Variants in PUM2 observed in about 807,000 individuals in gnomAD.
PUM2 encodes pumilio homolog 2.
PUM2 carries 57 observed loss-of-function variants against 124.5 expected under a neutral mutation model. The ratio of observed to expected loss-of-function variants is 0.46; its 90% CI spans 0.37 to 0.57. The LOEUF (loss-of-function observed/expected upper bound fraction) is 0.57. Ranked by LOEUF, PUM2 falls within the 20% of genes least tolerant of loss-of-function variation. The probability of loss-of-function intolerance (pLI) is 0.00; values close to 1 mark genes in which losing one functional copy is unlikely to be tolerated. For synonymous variants in PUM2, 460 were observed against 446.1 expected (o/e 1.03, Z -0.39); for missense variants, 1,065 against 1,290.6 (o/e 0.83, Z 2.68).
chr2:20,288,661 A>T (rs1673283521), intron 10 of PUM2, among the ~76,000 whole-genome samples: 1 of 152,244 alleles, frequency 6.6e-6, no homozygotes, highest in South Asian at 2.1e-4. Context: ...CTGATAAAGT[A>T]CTGAAGAAAG....
chr2:20,260,476 G>C lies in PUM2; in HGVS notation c.2226-10C>G. 1 of 1,596,788 alleles carries C rather than the reference G, an allele frequency of 6.3e-7. No individual in the cohort carries two copies. ...TTTTTGCTGTATGAATCTACATAGG[G>C]AACATTTTTAATATGACAATATGTT... On this transcript the variant is annotated splice_polypyrimidine_tract_variant and intron_variant, in intron 14 of 20. Transcript: ENST00000361078.
chr2:20,339,694 A>T (rs1686852802), intron 1 of PUM2, among the ~76,000 whole-genome samples: 1 of 152,214 alleles, frequency 6.6e-6, no homozygotes, highest in Non-Finnish European at 1.5e-5. Context: ...AGCCTAGCAG[A>T]CATGGTGAAA....
chr2:20,317,207 A>C (rs1681177356), intron 3 of PUM2, among the ~76,000 whole-genome samples: 1 of 152,176 alleles, frequency 6.6e-6, no homozygotes. Context: ...AAAGGAAAAA[A>C]AAAAAGCATT....
At chr2:20,324,507 G>C (rs2148821649) in intron 2 of PUM2, among the ~76,000 whole-genome samples, 1 of 152,260 alleles carries the variant, frequency 6.6e-6, no homozygotes, top group Middle Eastern at 3.4e-3. Context: ...TAAAAAATAA[G>C]CAGAAACCCA....
Position 20,256,051 on chromosome 2 carries a change from A to G in PUM2, c.2604T>C (p.Ile868=). Reference sequence around the variant, plus strand: ...AACATACTTGTCCCTTGAAAGCATCAATGATGAACTGTAGTGACTGTGGCT... The same window carrying G: ...AACATACTTGTCCCTTGAAAGCATCGATGATGAACTGTAGTGACTGTGGCT... ...CVQPQSLQFI[I]DAFKGQVFVL... is the part of the protein sequence containing the mutation. The change falls in exon 17 of 21, where the codon ATT becomes ATC. Residue 868 remains isoleucine (I), a synonymous_variant. Coordinates refer to ENST00000361078, the MANE Select transcript of PUM2 (RefSeq NM_015317.5). 1.9e-6 allele frequency: 3 copies of G among 1,569,568 alleles called. No individual in the cohort carries two copies. The highest frequency in any genetic ancestry group is 2.6e-6 in the Non-Finnish European group (3 of 1,164,482).
chr2:20,260,936 T>A (rs1055699718), intron 14 of PUM2, among the ~76,000 whole-genome samples: 1 of 152,170 alleles, frequency 6.6e-6, no homozygotes, highest in Non-Finnish European at 1.5e-5. Flanking sequence ...ATGCACTGCT[T>A]AACCACATTT....
At chr2:20,321,186 G>T (rs71435558) in intron 2 of PUM2, among the ~76,000 whole-genome samples, 3,514 of 152,266 alleles carry the variant, frequency 0.023, 59 homozygotes, top group Non-Finnish European at 0.036. Context: ...TACTCAGGAG[G>T]CTGGGCAAGA....
chr2:20,326,212 T>C, intron 2 of PUM2: 1 of 1,265,912 alleles, frequency 7.9e-7, no homozygotes, highest in South Asian at 1.3e-5. Flanking sequence ...TATGCACTGG[T>C]CTAACAAATT....
At position 20,318,655 on chromosome 2, in the gene PUM2, G is replaced by A. The variant is rs910956962; in HGVS notation, c.52-10C>T. 1.9e-6 allele frequency: 3 copies of A among 1,579,326 alleles called. No homozygotes were observed. The highest frequency in any genetic ancestry group is 1.1e-5 in the South Asian group (1 of 89,638). On this transcript the variant is annotated splice_polypyrimidine_tract_variant and intron_variant, in intron 2 of 20. Coordinates refer to ENST00000361078, the MANE Select transcript of PUM2 (RefSeq NM_015317.5). ...TTTTGGTAGGCAAAAGCTATTTGGA[G>A]GAAAAATTACAGTTAAATTTTATTC...
At chr2:20,302,512 G>C (rs1443607726) in intron 7 of PUM2, among the ~76,000 whole-genome samples, 2 of 151,970 alleles carry the variant, frequency 1.3e-5, no homozygotes, top group Non-Finnish European at 2.9e-5. Context: ...GCCCCCCCAA[G>C]TTATTTTCCA....
chr2:20,280,652 A>G (rs1671294132), intron 12 of PUM2, among the ~76,000 whole-genome samples: 1 of 152,206 alleles, frequency 6.6e-6, no homozygotes, highest in Non-Finnish European at 1.5e-5. Context: ...AAACATTTAA[A>G]AATAATTCAG....
chr2:20,297,796 A>G (rs1285785724), intron 7 of PUM2, 118 bp from the exon 8 acceptor site: 15 of 1,035,920 alleles, frequency 1.4e-5, no homozygotes, highest in Non-Finnish European at 2.1e-5. Context: ...CAGAGTGTGC[A>G]TAATGGTTCA....
intron 1 of PUM2, among the ~76,000 whole-genome samples, chr2:20,334,760 A>T (rs1007135090): frequency 1.3e-5 from 2 of 152,224 alleles, no homozygotes; most frequent in Middle Eastern, 3.2e-3. Flanking sequence ...AAAATGACTA[A>T]TGATTGCAAC....
At position 20,283,127 on chromosome 2, in the gene PUM2, G is replaced by A. The variant is rs775938763; in HGVS notation, c.1540C>T (p.Pro514Ser). The A allele has an allele frequency of 1.2e-6, 2 of 1,614,100 alleles. No homozygotes were observed. The highest frequency in any genetic ancestry group is 1.7e-6 in the Non-Finnish European group (2 of 1,180,016). ...GAATTAGATTGCAGATTAGTGCTTG[G>A]CTGCTGTTGCTGCTGCTGTGGTGGC... ...TQPPQQQQQQ[P>S]STNLQSNSFY... Residue 514 changes from proline (P) to serine (S), a missense_variant, in exon 12 of 21, where the codon CCA becomes TCA. Pro to Ser is a moderately conservative substitution (Grantham distance 74). Transcript: ENST00000361078.
At chr2:20,330,911 C>T (rs1387958737) in intron 1 of PUM2, among the ~76,000 whole-genome samples, 1 of 152,200 alleles carries the variant, frequency 6.6e-6, no homozygotes, top group Non-Finnish European at 1.5e-5. Flanking sequence ...TTAGACGACG[C>T]CCAGCTGGTG....
At chr2:20,265,355 A>G (rs539722333) in intron 13 of PUM2, among the ~76,000 whole-genome samples, 1 of 152,304 alleles carries the variant, frequency 6.6e-6, no homozygotes, top group Non-Finnish European at 1.5e-5. Context: ...CTCAGCACCC[A>G]TGCATGATAT....
At chr2:20,256,698 T>C (rs1324544671) in intron 16 of PUM2, among the ~76,000 whole-genome samples, 6 of 152,088 alleles carry the variant, frequency 3.9e-5, no homozygotes, top group African/African-American at 1.4e-4. Flanking sequence ...AATAATTCCC[T>C]AAGGGAAGAA....
chr2:20,283,334 T>A lies in PUM2; in HGVS notation c.1435+9A>T, dbSNP rs937678344. The A allele has an allele frequency of 1.9e-6, 3 of 1,613,582 alleles. No individual in the cohort carries two copies. The highest frequency in any genetic ancestry group is 2.5e-6 in the Non-Finnish European group (3 of 1,179,768). On this transcript the variant is annotated intron_variant, in intron 11 of 20. Transcript: ENST00000361078. The stretch of plus-strand genomic sequence containing the variant: ...AAAATATTATCCTAAAAATGTCAGT[T>A]ACACTTACCAGCTTGTGCTGCTGCT...
chr2:20,278,892 G>C (rs910627938), intron 12 of PUM2, 73 bp from the exon 13 acceptor site: 15 of 1,085,364 alleles, frequency 1.4e-5, no homozygotes, highest in Admixed American at 8.2e-5. Flanking sequence ...AACTCTCGCT[G>C]GGCAATAACA....
Sources: allele counts gnomAD v4.1 joint callset (sites outside exome capture counted in the v4.1 genomes callset), GRCh38; gene constraint gnomAD v4.1.1; transcripts MANE v1.5; gene names NCBI Gene and HGNC (gene_info 2026-07-23, HGNC 2026-07-21).